NBEA: variants seen among roughly 807,000 people sequenced by gnomAD.
NBEA encodes the protein neurobeachin.
Under a neutral mutation model 343.4 loss-of-function variants are expected in NBEA, and 44 were observed. The ratio of observed to expected loss-of-function variants is 0.13; its 90% CI spans 0.10 to 0.16. The LOEUF is 0.16. Among genes scored for constraint, NBEA ranks in the 10% least tolerant of loss-of-function variants. The pLI, the probability that NBEA is intolerant of heterozygous loss-of-function variation, is 1.00. For synonymous variants in NBEA, 1,175 were observed against 1,238.7 expected (o/e 0.95, Z 1.08); for missense variants, 2,555 against 3,631.3 (o/e 0.70, Z 7.62).
intron 34 of NBEA, among the ~76,000 whole-genome samples, chr13:35,254,324 CTTTT>C (rs377465927): frequency 7.5e-5 from 10 of 132,788 alleles, no homozygotes; most frequent in Admixed American, 1.5e-4. Flanking sequence ...TTATTTTTTA[CTTTT>C]TTTTTTTTTT....
intron 1 of NBEA, among the ~76,000 whole-genome samples, chr13:35,032,796 A>G (rs1284760877): frequency 5.3e-5 from 8 of 151,676 alleles, no homozygotes; most frequent in East Asian, 1.9e-4. Flanking sequence ...TGCCATTTGT[A>G]TATCTTCTTT....
At position 34,942,365 on chromosome 13, in the gene NBEA, G is replaced by C. The variant is rs1298641047; in HGVS notation, c.-456G>C. The C allele has an allele frequency of 1.3e-5, 2 of 153,560 alleles. No individual in the cohort carries two copies. Among genetic ancestry groups the C allele is most frequent in the African/African-American group, 4.8e-5 (2 of 41,494 alleles). 9.5% of individuals were successfully genotyped at this position (153,560 alleles called of 1,614,324 possible). On this transcript the variant is annotated 5_prime_UTR_variant, in exon 1 of 59. Transcript: ENST00000379939. ...AACAGTGGTGGCCGTAGCAGCGGCGGCAGCAGCGTCAATAGCATCGGCCAC... is the reference window on the plus strand; with the variant it reads ...AACAGTGGTGGCCGTAGCAGCGGCGCCAGCAGCGTCAATAGCATCGGCCAC...
chr13:35,362,505 A>G (rs1055800238), intron 38 of NBEA, among the ~76,000 whole-genome samples: 2 of 151,992 alleles, frequency 1.3e-5, no homozygotes, highest in African/African-American at 4.8e-5. Flanking sequence ...TCTACACTCA[A>G]TGAATTATAG....
intron 10 of NBEA, among the ~76,000 whole-genome samples, chr13:35,083,192 T>G (rs1232591261): frequency 6.6e-6 from 1 of 152,212 alleles, no homozygotes; most frequent in Non-Finnish European, 1.5e-5. Flanking sequence ...TCCCATTTCT[T>G]GTTTTTGTCA....
chr13:35,371,144 G>A (rs1401545401), intron 38 of NBEA, among the ~76,000 whole-genome samples: 1 of 152,022 alleles, frequency 6.6e-6, no homozygotes, highest in East Asian at 1.9e-4. Flanking sequence ...CCTGTATCAG[G>A]ATGTCTAAAT....
At chr13:35,033,949 A>G (rs2062340733) in intron 1 of NBEA, among the ~76,000 whole-genome samples, 1 of 151,754 alleles carries the variant, frequency 6.6e-6, no homozygotes, top group Non-Finnish European at 1.5e-5. Context: ...TCATCCGCAA[A>G]CAAGGATAAT....
chr13:35,150,714 T>C (rs2068720975), intron 18 of NBEA, among the ~76,000 whole-genome samples: 3 of 152,238 alleles, frequency 2.0e-5, no homozygotes, highest in African/African-American at 4.8e-5. Flanking sequence ...TCAGAATAAA[T>C]ATTACTACAA....
chr13:35,481,683 A>G lies in NBEA; in HGVS notation c.6585+9147A>G, dbSNP rs1269057923. Among the ~76,000 whole-genome samples, 4 of 151,906 alleles carry G rather than the reference A, an allele frequency of 2.6e-5. No individual in the cohort carries two copies. In the East Asian group the frequency reaches 7.7e-4, roughly 29 times the overall value. On this transcript the variant is annotated intron_variant, in intron 41 of 58. Coordinates refer to ENST00000379939, the MANE Select transcript of NBEA (RefSeq NM_001385012.1). ...AACTAAAATCTTTTTGTTAGATATC[A>G]GCTTATAATTTTCTTGTGATATTAT...
intron 49 of NBEA, among the ~76,000 whole-genome samples, chr13:35,634,182 A>C (rs946858825): frequency 3.3e-5 from 5 of 152,070 alleles, no homozygotes; most frequent in African/African-American, 1.2e-4. Context: ...ATCTCTACTA[A>C]AAATACAAAA....
At chr13:35,342,667 A>C (rs2039651869) in intron 36 of NBEA, among the ~76,000 whole-genome samples, 1 of 152,002 alleles carries the variant, frequency 6.6e-6, no homozygotes, top group Non-Finnish European at 1.5e-5. Context: ...TTGTTACATA[A>C]TATTGTTGCA....
At chr13:35,531,929 C>T (rs979560026) in intron 41 of NBEA, among the ~76,000 whole-genome samples, 2 of 152,138 alleles carry the variant, frequency 1.3e-5, no homozygotes, top group African/African-American at 4.8e-5. Flanking sequence ...AAAAGCAAAG[C>T]ACTTTCATCT....
At chr13:35,111,835 T>C (rs2066223631) in intron 13 of NBEA, among the ~76,000 whole-genome samples, 2 of 152,026 alleles carry the variant, frequency 1.3e-5, no homozygotes. Context: ...GTTAGAGTAC[T>C]TCCTTTTGCG....
intron 41 of NBEA, among the ~76,000 whole-genome samples, chr13:35,547,686 G>A (rs573101044): frequency 7.2e-5 from 11 of 152,146 alleles, no homozygotes; most frequent in South Asian, 2.1e-4. Context: ...TCAGGAGTTC[G>A]AGACCAGCCT....
intron 38 of NBEA, among the ~76,000 whole-genome samples, chr13:35,411,304 T>G (rs913244341): frequency 1.3e-5 from 2 of 152,200 alleles, no homozygotes; most frequent in Admixed American, 1.3e-4. Context: ...AGTTAGAATT[T>G]GTAAGCCGAA....
At chr13:35,652,474 A>G (rs2084578326) in intron 53 of NBEA, among the ~76,000 whole-genome samples, 1 of 151,214 alleles carries the variant, frequency 6.6e-6, no homozygotes, top group African/African-American at 2.4e-5. Flanking sequence ...CCCCGTCTCT[A>G]CTAAAAATAT....
intron 35 of NBEA, among the ~76,000 whole-genome samples, chr13:35,300,903 C>A (rs1001659392): frequency 6.6e-6 from 1 of 152,020 alleles, no homozygotes; most frequent in East Asian, 1.9e-4. Flanking sequence ...ATACTGTGTA[C>A]TGTTGTCTAC....
chr13:35,206,427 C>G (rs2073400354), intron 31 of NBEA, among the ~76,000 whole-genome samples: 1 of 152,080 alleles, frequency 6.6e-6, no homozygotes, highest in Non-Finnish European at 1.5e-5. Context: ...GAAAAAAGAG[C>G]ATTATACTTT....
rs1237369653 is a variant in NBEA at position 34,992,182 on chromosome 13, ATGTG to A, written c.295-48745_295-48742del. 1.3e-4 allele frequency among the ~76,000 whole-genome samples: 19 copies of A among 144,148 alleles called. No homozygotes were observed. In the East Asian group the frequency reaches 3.4e-3, roughly 26 times the overall value. 94.6% of individuals were successfully genotyped at this position (144,148 alleles called of 152,430 possible). ...AAGTGTTTGAAAAATGTGTGTGTAT[ATGTG>A]TGTGTATATATATGTGTGTGTGTGT... On this transcript the variant is annotated intron_variant, in intron 1 of 58. Transcript: ENST00000379939.
intron 51 of NBEA, among the ~76,000 whole-genome samples, chr13:35,646,607 A>G (rs1160741094): frequency 6.6e-6 from 1 of 152,212 alleles, no homozygotes; most frequent in Admixed American, 6.5e-5. Context: ...ACATAAACTC[A>G]TTCATGCACA....
Sources: gnomAD v4.1 joint callset for allele counts (sites outside exome capture counted in the v4.1 genomes callset) on GRCh38, gnomAD v4.1.1 for gene constraint, MANE v1.5 for transcripts, NCBI Gene and HGNC (gene_info 2026-07-23, HGNC 2026-07-21) for gene names.